The following RNF175 variants were observed in gnomAD, a reference collection of about 807,000 sequenced individuals.
RNF175 encodes ring finger protein 175.
In RNF175, 38 loss-of-function variants were observed where a neutral mutation model predicts 50.0. The ratio of observed to expected loss-of-function variants is 0.76; its 90% CI spans 0.59 to 1.00. The LOEUF is 1.00. Among genes scored for constraint, RNF175 ranks in the 50% least tolerant of loss-of-function variants. The pLI, the probability that RNF175 is intolerant of heterozygous loss-of-function variation, is 0.00. For missense variants in RNF175, 388 were observed against 409.6 expected (o/e 0.95, Z 0.46); for synonymous variants, 155 against 146.1 (o/e 1.06, Z -0.44).
At chr4:153,730,214 G>T (rs1738952799) in intron 3 of RNF175, among the ~76,000 whole-genome samples, 1 of 152,156 alleles carries the variant, frequency 6.6e-6, no homozygotes, top group African/African-American at 2.4e-5. Context: ...GGAGGCGGGG[G>T]TGGATGAATT....
In RNF175 at chr4:153,723,444, C is replaced by T. The variant is rs1202757015; in HGVS notation, c.416G>A (p.Trp139Ter). 6.4e-7 allele frequency: 1 copy of T among 1,574,132 alleles called. No individual in the cohort carries two copies. The highest frequency in any genetic ancestry group is 2.2e-5 in the East Asian group (1 of 44,658). The change falls in exon 5 of 9, where the codon TGG (tryptophan) becomes TAG (stop). Residue 139 changes from tryptophan to a stop codon, truncating the protein, a stop_gained. Transcript: ENST00000347063. LOFTEE classifies it high-confidence loss of function. Reference protein sequence around the residue: ...SGRTPRLVYKWFLLIYKLSYA... With the variant: ...SGRTPRLVYK ...GCTGAGTTTGTAGATCAAAAGAAAC[C>T]ATTTGTAGACCAATCTGTGGAGTGA... is the stretch of plus-strand genomic sequence containing the variant.
intron 3 of RNF175, among the ~76,000 whole-genome samples, chr4:153,744,610 A>G (rs1267535094): frequency 6.6e-6 from 1 of 152,208 alleles, no homozygotes; most frequent in Non-Finnish European, 1.5e-5. Flanking sequence ...AATTTTAAAG[A>G]AAGAATGCAT....
chr4:153,728,722 G>A (rs1738859254), intron 3 of RNF175, among the ~76,000 whole-genome samples: 1 of 152,158 alleles, frequency 6.6e-6, no homozygotes, highest in Non-Finnish European at 1.5e-5. Flanking sequence ...CTGCTTCCCT[G>A]CACTCACTGA....
intron 3 of RNF175, among the ~76,000 whole-genome samples, chr4:153,733,479 C>T (rs904387158): frequency 6.6e-5 from 10 of 152,198 alleles, no homozygotes; most frequent in Admixed American, 6.5e-5. Context: ...TGTACATACA[C>T]AGCAGTATGA....
chr4:153,725,748 G>A (rs1285929187), intron 4 of RNF175, among the ~76,000 whole-genome samples: 1 of 152,214 alleles, frequency 6.6e-6, no homozygotes. Flanking sequence ...AGCTCCTAAA[G>A]TTGTTCTGAA....
In RNF175 at chr4:153,726,476, T is replaced by C. The variant is rs543356059; in HGVS notation, c.401+1731A>G. On this transcript the variant is annotated intron_variant, in intron 4 of 8. Coordinates refer to ENST00000347063, the MANE Select transcript of RNF175 (RefSeq NM_173662.4). ...TAGTTGAGAGGAAACTCACTTCCCC[T>C]TCTTTGGGCACCCCATCCTGAAACA... Among the ~76,000 whole-genome samples the C allele has an allele frequency of 2.2e-3, 339 of 152,304 alleles. 2 individuals are homozygous for C. Among genetic ancestry groups the C allele is most frequent in the African/African-American group, 6.8e-3 (284 of 41,568 alleles).
In RNF175 at chr4:153,759,942, G is replaced by T; in HGVS notation, c.-80C>A. 1.2e-6 allele frequency: 1 copy of T among 858,398 alleles called. No homozygotes were observed. The highest frequency in any genetic ancestry group is 1.6e-6 in the Non-Finnish European group (1 of 631,984). 53.2% of individuals were successfully genotyped at this position (858,398 alleles called of 1,614,324 possible). The stretch of plus-strand genomic sequence containing the variant: ...AGAGTCCGCAGAAGGAGGCGCCGCG[G>T]GGCCTCGGGAGCCGAGGGTGAGAGC... On this transcript the variant is annotated 5_prime_UTR_variant, in exon 1 of 9. Transcript: ENST00000347063.
chr4:153,711,315 C>G (rs970975187), intron 8 of RNF175, among the ~76,000 whole-genome samples: 2 of 151,802 alleles, frequency 1.3e-5, no homozygotes, highest in African/African-American at 4.8e-5. Context: ...TTGAGTTGGG[C>G]TTGAGTGGCA....
chr4:153,725,623 C>T (rs1453571760), intron 4 of RNF175, among the ~76,000 whole-genome samples: 2 of 152,214 alleles, frequency 1.3e-5, no homozygotes, highest in Non-Finnish European at 1.5e-5. Flanking sequence ...GCTTTGCAGC[C>T]AAGTAGTTCT....
intron 1 of RNF175, among the ~76,000 whole-genome samples, chr4:153,752,928 G>A (rs11946635): frequency 0.082 from 12,446 of 151,944 alleles, 964 homozygotes; most frequent in East Asian, 0.41. Flanking sequence ...AGTAATAACT[G>A]TGTTTAAAAA....
At chr4:153,737,048 G>C (rs1211092472) in intron 3 of RNF175, among the ~76,000 whole-genome samples, 1 of 152,070 alleles carries the variant, frequency 6.6e-6, no homozygotes, top group Non-Finnish European at 1.5e-5. Context: ...TTGTAGAGAT[G>C]GGGTCTCATT....
At chr4:153,734,665 CTTTTTTTTTTT>C (rs56211482) in intron 3 of RNF175, among the ~76,000 whole-genome samples, 4 of 73,178 alleles carry the variant, frequency 5.5e-5, no homozygotes, top group Admixed American at 1.8e-4. Context: ...TTTTTTTATT[CTTTTTTTTTTT>C]TTTTTTTTTT....
At chr4:153,712,639 T>C (rs1418296690) in intron 7 of RNF175, 63 bp from the exon 8 acceptor site, 17 of 1,074,018 alleles carry the variant, frequency 1.6e-5, no homozygotes, top group Non-Finnish European at 2.4e-5. Context: ...CATGATGGCA[T>C]GGAATGGTCC....
At chr4:153,748,521 A>C (rs1434654535) in intron 3 of RNF175, 124 bp downstream of exon 3, 2 of 808,422 alleles carry the variant, frequency 2.5e-6, no homozygotes, top group Admixed American at 7.5e-5. Flanking sequence ...CTTGGTTGAG[A>C]ACCACTGACT....
intron 6 of RNF175, among the ~76,000 whole-genome samples, chr4:153,718,229 TG>T (rs536633666): frequency 0.55 from 35,541 of 64,548 alleles, 9,903 homozygotes; most frequent in South Asian, 0.72. Context: ...TTTGTTTGTT[TG>T]TTTGTTTGTT....
intron 1 of RNF175, 92 bp from the exon 2 acceptor site, chr4:153,751,567 AAATAAC>A: frequency 1.2e-6 from 1 of 829,758 alleles, no homozygotes; most frequent in Non-Finnish European, 1.9e-6. Flanking sequence ...AGACCATGAA[AAATAAC>A]AATGTCACAT....
At chr4:153,758,365 G>T (rs897929473) in intron 1 of RNF175, among the ~76,000 whole-genome samples, 6 of 152,276 alleles carry the variant, frequency 3.9e-5, no homozygotes, top group Admixed American at 3.9e-4. Flanking sequence ...TTGGCTGCTG[G>T]TTCCTGGACC....
At position 153,710,408 on chromosome 4, in the gene RNF175, T is replaced by C; in HGVS notation, c.948A>G (p.Gly316=). The C allele has an allele frequency of 6.4e-7, 1 of 1,572,218 alleles. No homozygotes were observed. Among genetic ancestry groups the C allele is most frequent in the Non-Finnish European group, 8.6e-7 (1 of 1,156,744 alleles). Reference sequence around the variant, plus strand: ...GTGAATAGATAATGCCTTGAACTATTCCTATCACCACAGGTTGCCAGGCCA... The same window carrying C: ...GTGAATAGATAATGCCTTGAACTATCCCTATCACCACAGGTTGCCAGGCCA... The part of the protein sequence containing the change: ...YLVAWQPVVI[G]IVQGIIYSLG... The change falls in exon 9 of 9, where the codon GGA becomes GGG. Residue 316 remains glycine, a synonymous_variant. Coordinates refer to ENST00000347063, the MANE Select transcript of RNF175 (RefSeq NM_173662.4).
At chr4:153,754,776 G>A (rs1162376990) in intron 1 of RNF175, among the ~76,000 whole-genome samples, 1 of 152,156 alleles carries the variant, frequency 6.6e-6, no homozygotes, top group Non-Finnish European at 1.5e-5. Flanking sequence ...TGTGAAGACA[G>A]AAGCAGGAAC....
Sources: gnomAD v4.1 joint callset for allele counts (sites outside exome capture counted in the v4.1 genomes callset) on GRCh38, gnomAD v4.1.1 for gene constraint, MANE v1.5 for transcripts, NCBI Gene and HGNC (gene_info 2026-07-23, HGNC 2026-07-21) for gene names.